NCOA2: variants seen among roughly 807,000 people sequenced by gnomAD.
NCOA2 encodes the protein class E basic helix-loop-helix protein 75.
In NCOA2, 21 loss-of-function variants were observed where a neutral mutation model predicts 145.1. The ratio of observed to expected loss-of-function variants is 0.14; its 90% confidence interval spans 0.10 to 0.21. The LOEUF (loss-of-function observed/expected upper bound fraction) is 0.21. Among genes scored for constraint, NCOA2 ranks in the 10% least tolerant of loss-of-function variants. The pLI, the probability that NCOA2 is intolerant of heterozygous loss-of-function variation, is 1.00. For missense variants in NCOA2, 1,472 were observed against 1,837.6 expected (o/e 0.80, Z 3.64); for synonymous variants, 619 against 637.5 (o/e 0.97, Z 0.44).
At chr8:70,148,504 A>G in intron 11 of NCOA2, 21 bp from the exon 12 acceptor site, 1 of 1,607,752 alleles carries the variant, frequency 6.2e-7, no homozygotes, top group Non-Finnish European at 8.5e-7. Context: ...CAAACAGAAG[A>G]GTTTATCCAG....
intron 22 of NCOA2, among the ~76,000 whole-genome samples, chr8:70,115,378 A>T (rs1463614839): frequency 6.6e-6 from 1 of 152,224 alleles, no homozygotes; most frequent in African/African-American, 2.4e-5. Context: ...GGCCAGAATC[A>T]GTTTGATGAA....
intron 2 of NCOA2, among the ~76,000 whole-genome samples, chr8:70,225,144 C>CA (rs1197250361): frequency 4.6e-5 from 7 of 152,090 alleles, no homozygotes; most frequent in Non-Finnish European, 8.8e-5. Flanking sequence ...GCAATAAACC[C>CA]AATAGACCAA....
chr8:70,363,981 G>C (rs1011852377), intron 1 of NCOA2, among the ~76,000 whole-genome samples: 11 of 151,182 alleles, frequency 7.3e-5, no homozygotes, highest in African/African-American at 2.7e-4. Context: ...CAACTTGAAT[G>C]CTATATGCAG....
At chr8:70,148,521 C>G (rs768858210) in intron 11 of NCOA2, 38 bp from the exon 12 acceptor site, 1 of 1,592,060 alleles carries the variant, frequency 6.3e-7, no homozygotes, top group South Asian at 1.1e-5. Flanking sequence ...CCAGTCTACT[C>G]TAAGAGTAGA....
At chr8:70,126,693 G>C (rs2131459113) in intron 19 of NCOA2, 120 bp downstream of exon 19, 1 of 879,058 alleles carries the variant, frequency 1.1e-6, no homozygotes, top group South Asian at 1.6e-5. Flanking sequence ...ATCATTCCCT[G>C]GTTAGCCAGA....
chr8:70,314,993 C>T, intron 1 of NCOA2, among the ~76,000 whole-genome samples: 1 of 152,156 alleles, frequency 6.6e-6, no homozygotes. Flanking sequence ...TCCTAAATCT[C>T]CAACATGTTC....
the NCOA2 span, among the ~76,000 whole-genome samples, chr8:70,435,469 A>T: frequency 7.1e-6 from 1 of 141,488 alleles, no homozygotes; most frequent in Non-Finnish European, 1.5e-5. Flanking sequence ...CACACTCTGG[A>T]GAGTCACACT....
chr8:70,119,754 G>A (rs1035466559), intron 22 of NCOA2, among the ~76,000 whole-genome samples: 25 of 152,058 alleles, frequency 1.6e-4, no homozygotes, highest in Admixed American at 1.6e-3. Flanking sequence ...GGGTAAGATG[G>A]TATCTCCTTA....
At chr8:70,249,419 T>C (rs546983346) in intron 2 of NCOA2, among the ~76,000 whole-genome samples, 23 of 152,320 alleles carry the variant, frequency 1.5e-4, no homozygotes, top group African/African-American at 5.5e-4. Context: ...TTTGCCCGAA[T>C]ACATATGCCA....
At chr8:70,324,220 TGTCAA>T (rs1806349623) in intron 1 of NCOA2, among the ~76,000 whole-genome samples, 1 of 152,238 alleles carries the variant, frequency 6.6e-6, no homozygotes, top group Non-Finnish European at 1.5e-5. Flanking sequence ...GGAGACATCT[TGTCAA>T]TTTGTGACCA....
At chr8:70,431,812 T>C in the NCOA2 span, among the ~76,000 whole-genome samples, 183 of 152,362 alleles carry the variant, frequency 1.2e-3, no homozygotes, top group African/African-American at 4.2e-3. Context: ...ACTGTTTACA[T>C]AGTGTTGAAA....
chr8:70,192,936 GCATGTCTGTAATCCCAGCTACT>G (rs1176429228), intron 4 of NCOA2, among the ~76,000 whole-genome samples: 2 of 151,770 alleles, frequency 1.3e-5, no homozygotes, highest in Non-Finnish European at 2.9e-5. Context: ...GCATGGTGGC[GCATGTCTGTAATCCCAGCTACT>G]CAGGAGGCTG....
At chr8:70,233,121 G>A (rs1211870263) in intron 2 of NCOA2, among the ~76,000 whole-genome samples, 2 of 151,816 alleles carry the variant, frequency 1.3e-5, no homozygotes, top group African/African-American at 4.8e-5. Context: ...AGCTACTCAG[G>A]AGGCTGAGGC....
At chr8:70,238,116 A>G (rs1454083397) in intron 2 of NCOA2, among the ~76,000 whole-genome samples, 1 of 152,102 alleles carries the variant, frequency 6.6e-6, no homozygotes, top group African/African-American at 2.4e-5. Flanking sequence ...TGACAGGTTC[A>G]TGGATAACTT....
intron 22 of NCOA2, among the ~76,000 whole-genome samples, chr8:70,114,927 TCTC>T (rs779088541): frequency 1.6e-4 from 25 of 152,284 alleles, no homozygotes; most frequent in South Asian, 1.0e-3. Flanking sequence ...GGTGCACAAT[TCTC>T]CTAAGCTTAA....
At chr8:70,119,627 A>T (rs961665348) in intron 22 of NCOA2, among the ~76,000 whole-genome samples, 2 of 152,148 alleles carry the variant, frequency 1.3e-5, no homozygotes, top group African/African-American at 4.8e-5. Flanking sequence ...TTTTTTGAGA[A>T]ATCTCCATAC....
chr8:70,444,872 A>T, the NCOA2 span, among the ~76,000 whole-genome samples: 16 of 152,328 alleles, frequency 1.1e-4, no homozygotes, highest in African/African-American at 3.8e-4. Context: ...ATTACATGAA[A>T]TTGATGGACC....
chr8:70,133,200 C>CT (rs57813061), intron 15 of NCOA2, among the ~76,000 whole-genome samples: 6,509 of 106,930 alleles, frequency 0.061, 723 homozygotes, highest in African/African-American at 0.21. Flanking sequence ...CTGGCTGCTA[C>CT]TTTTTTTTTT....
intron 6 of NCOA2, among the ~76,000 whole-genome samples, chr8:70,169,393 G>T (rs1315152276): frequency 6.6e-6 from 1 of 152,208 alleles, no homozygotes; most frequent in African/African-American, 2.4e-5. Context: ...CCCATTCAGG[G>T]CTTGGGCTAT....
Sources: allele counts gnomAD v4.1 joint callset (sites outside exome capture counted in the v4.1 genomes callset), GRCh38; gene constraint gnomAD v4.1.1; transcripts MANE v1.5; gene names NCBI Gene and HGNC (gene_info 2026-07-23, HGNC 2026-07-21).